PPP1R9A: variants seen among roughly 807,000 people sequenced by gnomAD.
PPP1R9A encodes the protein neurabin-1.
Under a neutral mutation model 141.9 loss-of-function variants are expected in PPP1R9A, and 59 were observed. That is an observed-to-expected ratio of 0.42 (90% CI 0.34 to 0.52). The LOEUF (loss-of-function observed/expected upper bound fraction) is 0.52. Among genes scored for constraint, PPP1R9A ranks in the 20% least tolerant of loss-of-function variants. The probability of loss-of-function intolerance (pLI) is 0.10; values close to 1 mark genes in which losing one functional copy is unlikely to be tolerated. For missense variants in PPP1R9A, 1,444 were observed against 1,611.9 expected (o/e 0.90, Z 1.78); for synonymous variants, 500 against 569.7 (o/e 0.88, Z 1.74).
chr7:95,077,923 G>T (rs1420184167), intron 2 of PPP1R9A, among the ~76,000 whole-genome samples: 1 of 151,314 alleles, frequency 6.6e-6, no homozygotes, highest in Non-Finnish European at 1.5e-5. Flanking sequence ...CTTACAAATG[G>T]AGCTTTTCTT....
intron 2 of PPP1R9A, among the ~76,000 whole-genome samples, chr7:94,973,387 C>A (rs1799072204): frequency 6.6e-6 from 1 of 152,030 alleles, no homozygotes; most frequent in Non-Finnish European, 1.5e-5. Flanking sequence ...GTAATGATGT[C>A]ATGTGTTGAG....
chr7:94,971,906 T>C (rs982624647), intron 2 of PPP1R9A, among the ~76,000 whole-genome samples: 11 of 152,356 alleles, frequency 7.2e-5, no homozygotes, highest in African/African-American at 2.6e-4. Context: ...TTTGCTTTCA[T>C]AGTCATTTCC....
intron 5 of PPP1R9A, among the ~76,000 whole-genome samples, chr7:95,194,078 A>C (rs555934174): frequency 6.6e-5 from 10 of 152,184 alleles, no homozygotes; most frequent in African/African-American, 2.2e-4. Flanking sequence ...ACTTTGTAGT[A>C]AGTGATACTC....
chr7:95,140,425 C>A (rs564870636), intron 4 of PPP1R9A, among the ~76,000 whole-genome samples: 3 of 152,286 alleles, frequency 2.0e-5, no homozygotes, highest in Non-Finnish European at 1.5e-5. Flanking sequence ...GAGTCCTGTT[C>A]TGTTGCCCAG....
At chr7:95,220,369 T>C (rs1373643241) in intron 7 of PPP1R9A, among the ~76,000 whole-genome samples, 1 of 152,118 alleles carries the variant, frequency 6.6e-6, no homozygotes, top group Non-Finnish European at 1.5e-5. Flanking sequence ...AAAAACTGCA[T>C]AATTAAGGCT....
intron 5 of PPP1R9A, among the ~76,000 whole-genome samples, chr7:95,175,936 C>G (rs1413133890): frequency 2.0e-5 from 3 of 151,994 alleles, no homozygotes; most frequent in Non-Finnish European, 4.4e-5. Context: ...AAAATATAGG[C>G]TGGGATCATG....
At chr7:95,187,882 T>G (rs1834876298) in intron 5 of PPP1R9A, among the ~76,000 whole-genome samples, 1 of 152,170 alleles carries the variant, frequency 6.6e-6, no homozygotes, top group South Asian at 2.1e-4. Flanking sequence ...GATATAATTT[T>G]GATTTTCCTT....
intron 4 of PPP1R9A, among the ~76,000 whole-genome samples, chr7:95,152,443 T>C (rs542062910): frequency 3.0e-4 from 45 of 152,320 alleles, no homozygotes; most frequent in Middle Eastern, 3.4e-3. Flanking sequence ...GTGAATTGTG[T>C]CAAATTTTTA....
chr7:95,182,421 G>C (rs903726672), intron 5 of PPP1R9A, among the ~76,000 whole-genome samples: 8 of 152,124 alleles, frequency 5.3e-5, no homozygotes, highest in African/African-American at 1.9e-4. Flanking sequence ...ACCTGGATGT[G>C]TAATTTCTAT....
At chr7:95,254,466 C>G (rs1386392198) in intron 12 of PPP1R9A, among the ~76,000 whole-genome samples, 1 of 152,158 alleles carries the variant, frequency 6.6e-6, no homozygotes, top group East Asian at 1.9e-4. Context: ...ATTTAAAAAT[C>G]CATCACCAAC....
intron 2 of PPP1R9A, among the ~76,000 whole-genome samples, chr7:95,031,947 G>A (rs538650656): frequency 3.3e-5 from 5 of 152,214 alleles, no homozygotes; most frequent in Admixed American, 2.0e-4. Flanking sequence ...GCAAAACCTC[G>A]GATTTCTGTT....
At chr7:94,997,983 T>A (rs983766753) in intron 2 of PPP1R9A, among the ~76,000 whole-genome samples, 21 of 152,058 alleles carry the variant, frequency 1.4e-4, no homozygotes, top group East Asian at 7.7e-4. Context: ...TGAAAAAAAA[T>A]TTTTTTTCCT....
intron 2 of PPP1R9A, among the ~76,000 whole-genome samples, chr7:94,988,854 AT>A (rs544581059): frequency 7.3e-4 from 109 of 149,514 alleles, no homozygotes; most frequent in South Asian, 6.8e-3. Context: ...ATTTAGCCTG[AT>A]TTTTTTTTTC....
Position 95,094,879 on chromosome 7 carries a change from CAAAAAA to C in PPP1R9A, c.1396-16359_1396-16354del, listed in dbSNP as rs1166550834. Among the ~76,000 whole-genome samples the C allele has an allele frequency of 1.8e-4, 8 of 44,972 alleles. No homozygotes were observed. The South Asian group carries it at 4.2e-3, about 24-fold the overall frequency. The allele number at this position is 44,972 out of a possible 152,430, so 29.5% of individuals were successfully genotyped here. A position where few individuals can be genotyped will look rare whatever the true frequency, so the allele number is the denominator to read the frequency against. On this transcript the variant is annotated intron_variant, in intron 2 of 19. Transcript: ENST00000433360. ...TGGGCGACAGAGGGAGACTGCGTCT[CAAAAAA>C]AAAAAAAAAAAAAAAAAAAAGGAAC...
At chr7:95,117,971 C>A (rs1214308015) in intron 3 of PPP1R9A, among the ~76,000 whole-genome samples, 1 of 152,110 alleles carries the variant, frequency 6.6e-6, no homozygotes, top group Non-Finnish European at 1.5e-5. Context: ...TGGATGTAAA[C>A]ACTATGGGAA....
intron 2 of PPP1R9A, among the ~76,000 whole-genome samples, chr7:94,933,718 A>T (rs548195447): frequency 6.6e-5 from 10 of 152,266 alleles, no homozygotes; most frequent in Admixed American, 2.6e-4. Flanking sequence ...TCCTTACAAT[A>T]GCTGATCACT....
intron 2 of PPP1R9A, among the ~76,000 whole-genome samples, chr7:94,919,247 A>G (rs1406335358): frequency 1.3e-5 from 2 of 151,528 alleles, no homozygotes; most frequent in Non-Finnish European, 2.9e-5. Context: ...TTCCTGCCCC[A>G]GCCTCCCAAG....
Position 95,288,719 on chromosome 7 carries a change from G to A in PPP1R9A, c.3912+1G>A. The A allele has an allele frequency of 1.2e-6, 2 of 1,613,294 alleles. No homozygotes were observed. Among genetic ancestry groups the A allele is most frequent in the Non-Finnish European group, 1.7e-6 (2 of 1,179,644 alleles). ...GCAGTTGGATGGAAATAAACTTAAGGTAAAGAATTATATGTCTGTCTTAGG... is the reference window on the plus strand; with the variant it reads ...GCAGTTGGATGGAAATAAACTTAAGATAAAGAATTATATGTCTGTCTTAGG... On this transcript the variant is annotated splice_donor_variant, in intron 19 of 19. Transcript: ENST00000433360. LOFTEE classifies it high-confidence loss of function.
chr7:95,287,112 C>A, intron 18 of PPP1R9A: 1 of 1,612,748 alleles, frequency 6.2e-7, no homozygotes, highest in Non-Finnish European at 8.5e-7. Context: ...TCACTCAGAG[C>A]CTGGATATGA....
Sources: gnomAD v4.1 joint callset for allele counts (sites outside exome capture counted in the v4.1 genomes callset) on GRCh38, gnomAD v4.1.1 for gene constraint, MANE v1.5 for transcripts, NCBI Gene and HGNC (gene_info 2026-07-23, HGNC 2026-07-21) for gene names.